BPHL: variants seen among roughly 807,000 people sequenced by gnomAD.
BPHL encodes the protein biphenyl hydrolase like, also known as serine hydrolase BPHL.
A neutral mutation model predicts 31.2 loss-of-function variants in BPHL; 27 were observed. The ratio of observed to expected loss-of-function variants is 0.87; its 90% CI spans 0.64 to 1.19. BPHL has a LOEUF of 1.19. Ranked by LOEUF, BPHL falls within the 50% of genes most tolerant of loss-of-function variation. The pLI is 0.00. For missense variants in BPHL, 356 were observed against 375.7 expected, an observed-to-expected ratio of 0.95 and a Z score of 0.43; for synonymous variants, 150 against 146.8, an observed-to-expected ratio of 1.02 and a Z score of -0.16.
At chr6:3,129,267 T>C in intron 4 of BPHL, 69 bp downstream of exon 4, 2 of 1,460,038 alleles carry the variant, frequency 1.4e-6, no homozygotes, top group East Asian at 2.4e-5. Flanking sequence ...CATCTCTTAT[T>C]GTGGGATATG....
intron 6 of BPHL, among the ~76,000 whole-genome samples, chr6:3,146,269 G>A (rs1250449469): frequency 1.5e-5 from 1 of 66,900 alleles, no homozygotes; most frequent in African/African-American, 5.4e-5. Flanking sequence ...GTGCTGGTTC[G>A]GGTCGGAGTG....
chr6:3,137,287 T>C, intron 4 of BPHL, 75 bp from the exon 5 acceptor site: 1 of 1,546,416 alleles, frequency 6.5e-7, no homozygotes, highest in Non-Finnish European at 8.8e-7. Flanking sequence ...CAGAAGTGGC[T>C]CTTGCTCAGA....
chr6:3,146,380 T>C (rs1364289316), intron 6 of BPHL, among the ~76,000 whole-genome samples: 1 of 119,894 alleles, frequency 8.3e-6, no homozygotes, highest in African/African-American at 3.4e-5. Context: ...TGGTTCCAGT[T>C]GAGTGCTGAT....
intron 6 of BPHL, among the ~76,000 whole-genome samples, chr6:3,146,283 G>GT (rs1762355371): frequency 3.4e-5 from 2 of 59,602 alleles, no homozygotes; most frequent in Non-Finnish European, 7.6e-5. Flanking sequence ...CGGAGTGCTG[G>GT]TTCGGGTCGA....
chr6:3,119,171 C>T (rs956495812), intron 1 of BPHL: 1 of 993,382 alleles, frequency 1.0e-6, no homozygotes, highest in Non-Finnish European at 1.5e-6. Flanking sequence ...GTAGTATGGA[C>T]TCACCCGTGA....
chr6:3,144,738 C>T (rs1762279398), intron 6 of BPHL, among the ~76,000 whole-genome samples: 1 of 152,152 alleles, frequency 6.6e-6, no homozygotes, highest in Non-Finnish European at 1.5e-5. Context: ...GCAATTCTTC[C>T]CATGTTGAAC....
intron 1 of BPHL, among the ~76,000 whole-genome samples, chr6:3,121,045 C>A (rs548654822): frequency 2.6e-5 from 4 of 152,170 alleles, no homozygotes; most frequent in Admixed American, 6.5e-5. Context: ...TGCCTTGCAG[C>A]GTTTTTGTGA....
chr6:3,131,784 T>TTGCAGCTGCCAGCAGCTGGCTG (rs1761876561), intron 4 of BPHL, among the ~76,000 whole-genome samples: 2 of 152,210 alleles, frequency 1.3e-5, no homozygotes, highest in Non-Finnish European at 2.9e-5. Context: ...CAACTGCTGC[T>TTGCAGCTGCCAGCAGCTGGCTG]GTGCCAGCTT....
chr6:3,134,757 C>A (rs1761965355), intron 4 of BPHL, among the ~76,000 whole-genome samples: 1 of 152,128 alleles, frequency 6.6e-6, no homozygotes, highest in South Asian at 2.1e-4. Flanking sequence ...CGCCTGCCAC[C>A]ACGCCCGGCT....
intron 5 of BPHL, chr6:3,138,167 C>T: frequency 2.6e-6 from 1 of 381,970 alleles, no homozygotes; most frequent in Non-Finnish European, 4.8e-6. Context: ...CACAGGCGTG[C>T]ACCACCACAC....
intron 6 of BPHL, among the ~76,000 whole-genome samples, chr6:3,141,675 T>A (rs1001182106): frequency 5.3e-5 from 8 of 152,138 alleles, no homozygotes; most frequent in African/African-American, 1.7e-4. Context: ...TTGGAGTTTT[T>A]AAATTGATTT....
rs1251566189 is a variant in BPHL, at chr6:3,140,312, C to T, written c.665-74C>T. The T allele has an allele frequency of 5.7e-6, 9 of 1,571,480 alleles. No individual in the cohort carries two copies. Among genetic ancestry groups the T allele is most frequent in the South Asian group, 4.6e-5 (4 of 86,894 alleles). ...CTGAGGGCCAAGGAGGGGCAGGGCT[C>T]GCCGAGTTTCGCCTCCTCTGACCGC... On this transcript the variant is annotated intron_variant, in intron 5 of 6. Coordinates refer to ENST00000380379, the MANE Select transcript of BPHL (RefSeq NM_004332.4). The surrounding 1 kb of genome is among the most constrained non-coding windows in gnomAD (Gnocchi z 5.2).
At chr6:3,127,481 G>A in intron 3 of BPHL, 73 bp downstream of exon 3, 1 of 1,298,474 alleles carries the variant, frequency 7.7e-7, no homozygotes, top group Non-Finnish European at 1.0e-6. Context: ...TTTAAATTTT[G>A]TTGTTATATT....
chr6:3,129,220 T>C (rs369951996), intron 4 of BPHL, 22 bp downstream of exon 4: 18 of 1,531,476 alleles, frequency 1.2e-5, no homozygotes, highest in Non-Finnish European at 1.6e-5. Flanking sequence ...GAAGGGGAGA[T>C]GCCGGGACGG....
Position 3,121,291 on chromosome 6 carries a change from CTTTTTTTTTTTTTTT to C in BPHL, c.108-2353_108-2339del, listed in dbSNP as rs67332286. 1.0e-4 allele frequency among the ~76,000 whole-genome samples: 8 copies of C among 80,382 alleles called. No homozygotes were observed. The East Asian group carries it at 1.3e-3, about 13-fold the overall frequency. The allele number at this position is 80,382 out of a possible 152,430, so 52.7% of individuals were successfully genotyped here. ...ACATACAATATGATAATAGCAGTTT[CTTTTTTTTTTTTTTT>C]TTTTTTTTTTTTGAGACGGAGTCTC... is the stretch of plus-strand genomic sequence containing the variant. On this transcript the variant is annotated intron_variant, in intron 1 of 6. Transcript: ENST00000380379.
In BPHL at chr6:3,152,701, A is replaced by C; in HGVS notation, c.*126A>C. 2.5e-6 allele frequency: 2 copies of C among 784,392 alleles called. No individual in the cohort carries two copies. The highest frequency in any genetic ancestry group is 1.9e-5 in the South Asian group (1 of 53,024). 48.6% of individuals were successfully genotyped at this position (784,392 alleles called of 1,614,324 possible). On this transcript the variant is annotated 3_prime_UTR_variant, in exon 7 of 7. Coordinates refer to ENST00000380379, the MANE Select transcript of BPHL (RefSeq NM_004332.4). ...TACCCCTCCCTTCAATCTTATCCTA[A>C]CCAAATGAGAATAATGACATATTGA...
intron 1 of BPHL, chr6:3,119,391 C>T: frequency 2.5e-6 from 4 of 1,601,736 alleles, no homozygotes; most frequent in South Asian, 2.2e-5. Flanking sequence ...AAAAGAATCA[C>T]GTTGGGAACT....
Position 3,118,714 on chromosome 6 carries a change from C to T in BPHL, c.-27C>T. 8.0e-7 allele frequency: 1 copy of T among 1,254,722 alleles called. No individual in the cohort carries two copies. The highest frequency in any genetic ancestry group is 1.0e-6 in the Non-Finnish European group (1 of 995,802). The allele number at this position is 1,254,722 out of a possible 1,614,324, so 77.7% of individuals were successfully genotyped here. A position where few individuals can be genotyped will look rare whatever the true frequency, so the allele number is the denominator to read the frequency against. On this transcript the variant is annotated 5_prime_UTR_variant, in exon 1 of 7. Coordinates refer to ENST00000380379, the MANE Select transcript of BPHL (RefSeq NM_004332.4). ...CGCGCTTGGTCTTAGCGCATGCGCA[C>T]TCCCGGCAGCTACGCGACCTGTGAC... is the stretch of plus-strand genomic sequence containing the variant.
In BPHL at chr6:3,127,441, G is replaced by A; in HGVS notation, c.378+33G>A. On this transcript the variant is annotated intron_variant, in intron 3 of 6. Transcript: ENST00000380379. Reference sequence around the variant, plus strand: ...TCTGAGGGAAGGGCCAGGGGAGGAAGGGTGGCTGGGCCTGTCTTCATTTAT... The same window carrying A: ...TCTGAGGGAAGGGCCAGGGGAGGAAAGGTGGCTGGGCCTGTCTTCATTTAT... The A allele has an allele frequency of 2.0e-6, 3 of 1,492,454 alleles. No individual in the cohort carries two copies. In the South Asian group the frequency reaches 4.0e-5, roughly 20 times the overall value. 92.5% of individuals were successfully genotyped at this position (1,492,454 alleles called of 1,614,324 possible).
Sources: gnomAD v4.1 joint callset for allele counts (sites outside exome capture counted in the v4.1 genomes callset) on GRCh38, gnomAD v4.1.1 for gene constraint, Gnocchi (gnomAD v3.1) non-coding constraint, MANE v1.5 for transcripts, NCBI Gene and HGNC (gene_info 2026-07-23, HGNC 2026-07-21) for gene names.